CDH22: variants seen among roughly 807,000 people sequenced by gnomAD.
The protein encoded by CDH22 is cadherin-22.
A neutral mutation model predicts 58.4 loss-of-function variants in CDH22; 30 were observed. The ratio of observed to expected loss-of-function variants is 0.51; its 90% confidence interval spans 0.38 to 0.70. CDH22 has a LOEUF of 0.70. CDH22 is among the 30% of genes least tolerant of loss of function. The pLI is 0.00. For missense variants in CDH22, 1,014 were observed against 1,233.9 expected (o/e 0.82, Z 2.67); for synonymous variants, 513 against 558.2 (o/e 0.92, Z 1.14).
chr20:46,264,834 A>ATGCACACACACACACCG (rs1367471300), intron 1 of CDH22, among the ~76,000 whole-genome samples: 12 of 151,454 alleles, frequency 7.9e-5, no homozygotes, highest in South Asian at 2.1e-4. Context: ...CACACACACC[A>ATGCACACACACACACCG]TGCACACACA....
In CDH22 at chr20:46,194,118, C is replaced by T. The variant is rs76708560; in HGVS notation, c.1423+5305G>A. Among the ~76,000 whole-genome samples, 380 of 152,328 alleles carry T rather than the reference C, an allele frequency of 2.5e-3. 1 individual carries two copies. The highest frequency in any genetic ancestry group is 8.8e-3 in the African/African-American group (365 of 41,580). On this transcript the variant is annotated intron_variant, in intron 8 of 11. Transcript: ENST00000537909. The stretch of plus-strand genomic sequence containing the variant: ...TCTCCCTGCTCCTCAGGAATCGCCG[C>T]GACCCCATGACTTTCACTGTGTGTT...
At chr20:46,212,565 T>C (rs1453185204) in intron 6 of CDH22, among the ~76,000 whole-genome samples, 1 of 152,234 alleles carries the variant, frequency 6.6e-6, no homozygotes, top group African/African-American at 2.4e-5. Flanking sequence ...ATCTCTACCA[T>C]GTGCCTTACA....
chr20:46,291,378 C>T (rs933889973), intron 1 of CDH22, among the ~76,000 whole-genome samples: 1 of 152,218 alleles, frequency 6.6e-6, no homozygotes, highest in Non-Finnish European at 1.5e-5. Flanking sequence ...AAATGCTTTA[C>T]ATCTGTTAAC....
At position 46,210,495 on chromosome 20, in the gene CDH22, G is replaced by T; in HGVS notation, c.1098C>A (p.Asp366Glu). ...ACGTGCCCAGGTCGGCGAAGCGGGGGTCCACGAACTTGTTGAGGGCCTCCA... is the reference window on the plus strand; with the variant it reads ...ACGTGCCCAGGTCGGCGAAGCGGGGTTCCACGAACTTGTTGAGGGCCTCCA... ...VILEALNKFV[D>E]PRFADLGTFR... is the part of the protein sequence containing the mutation. Residue 366 changes from aspartate (D) to glutamate (E), a missense_variant, in exon 7 of 12, where the codon GAC becomes GAA. By Grantham distance (45) the Asp-to-Glu change is conservative. Transcript: ENST00000537909. This position sits in a 1 kb window ranked among gnomAD's most constrained non-coding sequence, Gnocchi z 4.5. 1 of 1,433,152 alleles carries T rather than the reference G, an allele frequency of 7.0e-7. No homozygotes were observed. Among genetic ancestry groups the T allele is most frequent in the Non-Finnish European group, 9.2e-7 (1 of 1,090,598 alleles). The allele number at this position is 1,433,152 out of a possible 1,614,324, so 88.8% of individuals were successfully genotyped here.
At chr20:46,279,688 G>T (rs1278091954) in intron 1 of CDH22, among the ~76,000 whole-genome samples, 2 of 152,188 alleles carry the variant, frequency 1.3e-5, no homozygotes, top group Non-Finnish European at 2.9e-5. Flanking sequence ...AGTGGGAGGG[G>T]ACCAGATTGG....
chr20:46,229,507 T>A (rs1019430659), intron 3 of CDH22, among the ~76,000 whole-genome samples: 2 of 152,204 alleles, frequency 1.3e-5, no homozygotes, highest in African/African-American at 4.8e-5. Flanking sequence ...ATTAGAAGTT[T>A]GACCTTGGAT....
At chr20:46,215,409 T>A (rs1051075822) in intron 5 of CDH22, among the ~76,000 whole-genome samples, 4 of 152,200 alleles carry the variant, frequency 2.6e-5, no homozygotes, top group African/African-American at 4.8e-5. Flanking sequence ...GTATGATTCA[T>A]CCCATTTATA....
chr20:46,274,359 A>T (rs2086507215), intron 1 of CDH22, among the ~76,000 whole-genome samples: 1 of 152,188 alleles, frequency 6.6e-6, no homozygotes, highest in Admixed American at 6.5e-5. Context: ...CCTGGACACC[A>T]CGTGCCCAAG....
intron 10 of CDH22, among the ~76,000 whole-genome samples, chr20:46,181,752 C>CTTCT (rs1191055789): frequency 0.021 from 559 of 26,228 alleles, 13 homozygotes; most frequent in Middle Eastern, 0.042. Flanking sequence ...TCCTTCCTTC[C>CTTCT]TTCTTTCTTT....
chr20:46,181,740 C>CTTCGTTCG (rs1466421287), intron 10 of CDH22, among the ~76,000 whole-genome samples: 2 of 38,720 alleles, frequency 5.2e-5, no homozygotes, highest in South Asian at 2.4e-3. Context: ...TCCTTCCTTC[C>CTTCGTTCG]TTCCTTCCTT....
chr20:46,243,359 C>A (rs528391047), intron 2 of CDH22, among the ~76,000 whole-genome samples: 2 of 152,168 alleles, frequency 1.3e-5, no homozygotes, highest in Non-Finnish European at 2.9e-5. Flanking sequence ...CTCTTTTTGG[C>A]GAGTCTGCTG....
At chr20:46,217,247 C>T (rs183513469) in intron 4 of CDH22, among the ~76,000 whole-genome samples, 32 of 152,162 alleles carry the variant, frequency 2.1e-4, no homozygotes, top group African/African-American at 7.0e-4. Context: ...CTCACACACA[C>T]GGTCACACAG....
In CDH22 at chr20:46,227,732, A is replaced by G. The variant is rs1600706531; in HGVS notation, c.551-105T>C. 8 of 1,473,054 alleles carry G rather than the reference A, an allele frequency of 5.4e-6. No homozygotes were observed. The African/African-American group carries it at 5.6e-5, about 10-fold the overall frequency. The allele number at this position is 1,473,054 out of a possible 1,614,324, so 91.2% of individuals were successfully genotyped here. A position where few individuals can be genotyped will look rare whatever the true frequency, so the allele number is the denominator to read the frequency against. On this transcript the variant is annotated intron_variant, in intron 3 of 11. Coordinates refer to ENST00000537909, the MANE Select transcript of CDH22 (RefSeq NM_021248.3). Reference sequence around the variant, plus strand: ...AGCTGGGAGAGGAGACCCTCGGGAGACCTGCGGGAGGCCATCGAATACAGC... The same window carrying G: ...AGCTGGGAGAGGAGACCCTCGGGAGGCCTGCGGGAGGCCATCGAATACAGC...
chr20:46,289,580 A>C (rs1057238920), intron 1 of CDH22, among the ~76,000 whole-genome samples: 1 of 152,168 alleles, frequency 6.6e-6, no homozygotes, highest in Non-Finnish European at 1.5e-5. Flanking sequence ...ACTGGATCCG[A>C]TTCTCCACTG....
chr20:46,228,644 C>A (rs1365803637), intron 3 of CDH22, among the ~76,000 whole-genome samples: 1 of 152,106 alleles, frequency 6.6e-6, no homozygotes, highest in Non-Finnish European at 1.5e-5. Flanking sequence ...AGAGGGTGAG[C>A]TGGAAGACTC....
intron 1 of CDH22, among the ~76,000 whole-genome samples, chr20:46,305,042 T>A (rs1025358314): frequency 2.0e-5 from 3 of 152,228 alleles, no homozygotes; most frequent in Non-Finnish European, 4.4e-5. Flanking sequence ...CAACTGCATA[T>A]AACAGCCATG....
intron 8 of CDH22, among the ~76,000 whole-genome samples, chr20:46,188,004 T>C (rs2085838935): frequency 1.3e-5 from 2 of 152,204 alleles, no homozygotes; most frequent in South Asian, 4.1e-4. Flanking sequence ...AGCAAAACCA[T>C]GATGTCCCCA....
Position 46,175,013 on chromosome 20 carries a change from A to T in CDH22, c.1980T>A (p.Asp660Glu). 6.2e-7 allele frequency: 1 copy of T among 1,609,752 alleles called. No individual in the cohort carries two copies. The highest frequency in any genetic ancestry group is 8.5e-7 in the Non-Finnish European group (1 of 1,179,558). ...HHKSHLSSDE[D>E]EDMRDNVIKY... is the part of the protein sequence containing the mutation. ...TGATGACGTTGTCCCGCATGTCTTCATCCTCGTCCGAGCTCAGGTGGCTCT... is the reference window on the plus strand; with the variant it reads ...TGATGACGTTGTCCCGCATGTCTTCTTCCTCGTCCGAGCTCAGGTGGCTCT... Residue 660 changes from aspartate to glutamate, a missense_variant, in exon 12 of 12, where the codon GAT becomes GAA. Coordinates refer to ENST00000537909, the MANE Select transcript of CDH22 (RefSeq NM_021248.3).
intron 1 of CDH22, among the ~76,000 whole-genome samples, chr20:46,267,036 T>C (rs1436140108): frequency 2.0e-5 from 3 of 151,938 alleles, no homozygotes; most frequent in African/African-American, 7.3e-5. Context: ...GCACACTCCA[T>C]AGGTTATCTT....
Sources: allele counts gnomAD v4.1 joint callset (sites outside exome capture counted in the v4.1 genomes callset), GRCh38; gene constraint gnomAD v4.1.1; non-coding constraint Gnocchi (gnomAD v3.1); transcripts MANE v1.5; gene names NCBI Gene and HGNC (gene_info 2026-07-23, HGNC 2026-07-21).